CWC27: variants seen among roughly 807,000 people sequenced by gnomAD.
The protein encoded by CWC27 is CWC27 spliceosome associated cyclophilin.
Under a neutral mutation model 63.6 loss-of-function variants are expected in CWC27, and 47 were observed. The observed-to-expected ratio is 0.74, with a 90% confidence interval of 0.58 to 0.94. The LOEUF is 0.94. CWC27 is among the 40% of genes least tolerant of loss of function. The pLI is 0.00. For synonymous variants in CWC27, 175 were observed against 179.8 expected (o/e 0.97, Z 0.22); for missense variants, 495 against 554.3 (o/e 0.89, Z 1.07).
chr5:64,854,920 T>TTAAGG (rs764039503), intron 10 of CWC27, among the ~76,000 whole-genome samples: 2 of 152,150 alleles, frequency 1.3e-5, no homozygotes, highest in Non-Finnish European at 2.9e-5. Context: ...TACCCTGGAA[T>TTAAGG]TAAGGGTTTT....
intron 11 of CWC27, among the ~76,000 whole-genome samples, chr5:64,933,489 CTTTCTCTTTT>C (rs1023724357): frequency 1.3e-5 from 2 of 148,680 alleles, no homozygotes; most frequent in African/African-American, 5.0e-5. Context: ...ATACATTTTT[CTTTCTCTTTT>C]TTTTTTTTTT....
At position 64,833,298 on chromosome 5, in the gene CWC27, C is replaced by T. The variant is rs117082308; in HGVS notation, c.938+28912C>T. On this transcript the variant is annotated intron_variant, in intron 10 of 13. Coordinates refer to ENST00000381070, the MANE Select transcript of CWC27 (RefSeq NM_005869.4). ...CAGATAAATGACACATAGTTTAGTT[C>T]TAAAGATCCTCAGATACAGTTCTTT... 1.5e-3 allele frequency among the ~76,000 whole-genome samples: 235 copies of T among 151,882 alleles called. 6 individuals carry two copies. The East Asian group carries it at 0.037, about 24-fold the overall frequency.
At chr5:64,860,942 A>G (rs1746396686) in intron 10 of CWC27, among the ~76,000 whole-genome samples, 1 of 152,152 alleles carries the variant, frequency 6.6e-6, no homozygotes, top group African/African-American at 2.4e-5. Context: ...AGCAGCTCAT[A>G]ATTTTTTTAG....
At chr5:64,865,007 A>G (rs1480574304) in intron 10 of CWC27, among the ~76,000 whole-genome samples, 1 of 152,098 alleles carries the variant, frequency 6.6e-6, no homozygotes, top group Non-Finnish European at 1.5e-5. Context: ...TATAATTGAA[A>G]TGTTGATCAA....
chr5:64,887,409 C>T (rs960369804), intron 11 of CWC27, among the ~76,000 whole-genome samples: 1 of 151,936 alleles, frequency 6.6e-6, no homozygotes, highest in Non-Finnish European at 1.5e-5. Flanking sequence ...ACTCTGTCAC[C>T]CAGGCTGGAG....
intron 11 of CWC27, among the ~76,000 whole-genome samples, chr5:64,889,105 G>A (rs1034341335): frequency 6.6e-6 from 1 of 152,104 alleles, no homozygotes; most frequent in South Asian, 2.1e-4. Context: ...TCTTCAAAGT[G>A]TCAAGGTCAT....
At chr5:65,010,098 G>T (rs919368320) in intron 13 of CWC27, among the ~76,000 whole-genome samples, 2 of 152,180 alleles carry the variant, frequency 1.3e-5, no homozygotes, top group Non-Finnish European at 2.9e-5. Context: ...TACCACAGAG[G>T]TTTCATAGAA....
intron 11 of CWC27, among the ~76,000 whole-genome samples, chr5:64,893,653 T>C (rs1747296839): frequency 6.6e-6 from 1 of 152,184 alleles, no homozygotes; most frequent in African/African-American, 2.4e-5. Flanking sequence ...ATACTGAAGT[T>C]CTCAGAAAAC....
intron 13 of CWC27, among the ~76,000 whole-genome samples, chr5:64,986,466 C>T (rs1315860749): frequency 1.3e-5 from 2 of 152,160 alleles, no homozygotes; most frequent in Admixed American, 6.5e-5. Flanking sequence ...TGAATCTATG[C>T]TCTTGAAAGA....
intron 13 of CWC27, among the ~76,000 whole-genome samples, chr5:64,987,229 T>C (rs1395985029): frequency 6.6e-6 from 1 of 152,200 alleles, no homozygotes; most frequent in Non-Finnish European, 1.5e-5. Context: ...TTTGACAGTA[T>C]CTGAATAGTG....
At chr5:64,810,357 A>G (rs1259022810) in intron 10 of CWC27, among the ~76,000 whole-genome samples, 1 of 152,144 alleles carries the variant, frequency 6.6e-6, no homozygotes, top group Admixed American at 6.6e-5. Context: ...CTTTTTGGTC[A>G]AGATTGCTTA....
At chr5:64,999,943 C>T (rs1163730820) in intron 13 of CWC27, among the ~76,000 whole-genome samples, 2 of 152,032 alleles carry the variant, frequency 1.3e-5, no homozygotes, top group African/African-American at 2.4e-5. Context: ...TACTAATTTA[C>T]GTTCACACCA....
chr5:65,003,738 C>A (rs557787753), intron 13 of CWC27, among the ~76,000 whole-genome samples: 135 of 152,224 alleles, frequency 8.9e-4, no homozygotes, highest in Non-Finnish European at 1.4e-3. Context: ...TCTTTCCCTG[C>A]CTGTAACGTT....
At chr5:64,805,861 CA>C (rs2112218137) in intron 10 of CWC27, among the ~76,000 whole-genome samples, 1 of 152,188 alleles carries the variant, frequency 6.6e-6, no homozygotes, top group East Asian at 1.9e-4. Flanking sequence ...AAATTGTGTT[CA>C]CTCTTACAAT....
intron 10 of CWC27, among the ~76,000 whole-genome samples, chr5:64,831,507 TAGATAGAC>T (rs1055656845): frequency 3.3e-5 from 5 of 151,106 alleles, no homozygotes; most frequent in African/African-American, 1.2e-4. Context: ...GATAGATAGA[TAGATAGAC>T]AGACACATAG....
At chr5:64,862,948 A>G (rs1473477395) in intron 10 of CWC27, among the ~76,000 whole-genome samples, 1 of 152,092 alleles carries the variant, frequency 6.6e-6, no homozygotes, top group African/African-American at 2.4e-5. Context: ...TTTTTATAAG[A>G]GCATTAAACC....
At chr5:64,947,822 A>G (rs1748619057) in intron 11 of CWC27, among the ~76,000 whole-genome samples, 1 of 152,076 alleles carries the variant, frequency 6.6e-6, no homozygotes, top group Non-Finnish European at 1.5e-5. Flanking sequence ...GGAGAGCCTT[A>G]TATATCATTT....
chr5:64,870,185 T>G (rs890789996), intron 10 of CWC27, among the ~76,000 whole-genome samples: 24 of 152,090 alleles, frequency 1.6e-4, no homozygotes, highest in Non-Finnish European at 3.2e-4. Context: ...TTTATTAAAT[T>G]CATACAGCCA....
chr5:64,852,875 G>C (rs1338654869), intron 10 of CWC27, among the ~76,000 whole-genome samples: 1 of 151,258 alleles, frequency 6.6e-6, no homozygotes, highest in Non-Finnish European at 1.5e-5. Context: ...CTGTTCCTTT[G>C]AAAACTTCTA....
Sources: allele counts gnomAD v4.1 joint callset (sites outside exome capture counted in the v4.1 genomes callset), GRCh38; gene constraint gnomAD v4.1.1; transcripts MANE v1.5; gene names NCBI Gene and HGNC (gene_info 2026-07-23, HGNC 2026-07-21).